The following NRG1 variants were observed in gnomAD, a reference collection of about 807,000 sequenced individuals.
The protein encoded by NRG1 is pro-neuregulin-1, membrane-bound isoform.
A neutral mutation model predicts 63.8 loss-of-function variants in NRG1; 18 were observed. That is an observed-to-expected ratio of 0.28 (90% CI 0.19 to 0.42). The LOEUF is 0.42. Ranked by LOEUF, NRG1 falls within the 10% of genes least tolerant of loss-of-function variation. NRG1 has a pLI of 1.00. For missense variants in NRG1, 762 were observed against 814.7 expected, an observed-to-expected ratio of 0.94 and a Z score of 0.79; for synonymous variants, 302 against 301.3, an observed-to-expected ratio of 1.00 and a Z score of -0.02.
intron 7 of NRG1, chr8:32,743,106 T>C (rs1564086281): frequency 9.9e-7 from 1 of 1,014,130 alleles, no homozygotes; most frequent in Middle Eastern, 5.0e-4. Flanking sequence ...ATCTTCTTTA[T>C]ACAATGACCA....
chr8:32,552,024 C>T (rs1216002459), intron 1 of NRG1, among the ~76,000 whole-genome samples: 1 of 150,944 alleles, frequency 6.6e-6, no homozygotes, highest in Non-Finnish European at 1.5e-5. Context: ...GATTCCCCTG[C>T]CTCAGACTTT....
intron 1 of NRG1, among the ~76,000 whole-genome samples, chr8:31,660,960 G>T (rs192145232): frequency 0.012 from 1,837 of 152,238 alleles, 16 homozygotes; most frequent in Non-Finnish European, 0.017. Flanking sequence ...AGCTATTGCA[G>T]TACCTAAGTA....
At chr8:31,750,794 G>A (rs1382557198) in intron 1 of NRG1, among the ~76,000 whole-genome samples, 3 of 151,842 alleles carry the variant, frequency 2.0e-5, no homozygotes, top group Non-Finnish European at 4.4e-5. Flanking sequence ...TTGCTGATAG[G>A]GGATTTGACC....
At chr8:32,393,167 C>T (rs13270577) in intron 1 of NRG1, among the ~76,000 whole-genome samples, 51,512 of 152,028 alleles carry the variant, frequency 0.34, 9,175 homozygotes, top group Middle Eastern at 0.43. Context: ...ATATGGCATA[C>T]TTTATTATTT....
chr8:32,669,425 C>A (rs1397515799), intron 5 of NRG1, among the ~76,000 whole-genome samples: 1 of 152,102 alleles, frequency 6.6e-6, no homozygotes. Flanking sequence ...ATTCCATGTT[C>A]TAGAACTTTT....
At chr8:32,012,959 A>G (rs1208414383) in intron 1 of NRG1, among the ~76,000 whole-genome samples, 1 of 152,054 alleles carries the variant, frequency 6.6e-6, no homozygotes, top group Non-Finnish European at 1.5e-5. Context: ...GTGCTTCAGG[A>G]CTGTTACCAG....
At chr8:32,538,639 A>C (rs977241120) in intron 1 of NRG1, among the ~76,000 whole-genome samples, 1 of 152,182 alleles carries the variant, frequency 6.6e-6, no homozygotes, top group Non-Finnish European at 1.5e-5. Context: ...TTGCTTTGTT[A>C]AAGTATATTG....
intron 11 of NRG1, 62 bp from the exon 12 acceptor site, chr8:32,763,686 C>A: frequency 6.8e-7 from 1 of 1,461,404 alleles, no homozygotes; most frequent in Non-Finnish European, 9.2e-7. Flanking sequence ...TGTCCCCTTA[C>A]CTTCCCTGCT....
rs187848512 is a variant in NRG1, at chr8:32,176,478, C to T, written c.38-419350C>T. The stretch of plus-strand genomic sequence containing the variant: ...CAACAAAAGCCAAAATTGACAAATG[C>T]GATCTAATTAAACTAAAGAGCTTCT... On this transcript the variant is annotated intron_variant, in intron 1 of 10. Transcript: ENST00000519301. Among the ~76,000 whole-genome samples the T allele has an allele frequency of 7.0e-3, 1,064 of 151,664 alleles. 19 individuals carry two copies. Among genetic ancestry groups the T allele is most frequent in the African/African-American group, 0.025 (1,031 of 41,364 alleles).
intron 1 of NRG1, among the ~76,000 whole-genome samples, chr8:31,707,903 T>C (rs539644891): frequency 1.2e-3 from 181 of 152,348 alleles, no homozygotes; most frequent in Non-Finnish European, 2.5e-3. Context: ...TAGATTTAAT[T>C]TGGTTGTAAC....
intron 1 of NRG1, among the ~76,000 whole-genome samples, chr8:32,141,663 C>G (rs1346202949): frequency 7.6e-6 from 1 of 131,602 alleles, no homozygotes; most frequent in Non-Finnish European, 1.6e-5. Flanking sequence ...CTCCATGCAT[C>G]CAAAATATTC....
At chr8:32,678,132 G>T (rs1379990706) in intron 5 of NRG1, among the ~76,000 whole-genome samples, 6 of 152,070 alleles carry the variant, frequency 3.9e-5, no homozygotes, top group Non-Finnish European at 8.8e-5. Flanking sequence ...TGGGATGATG[G>T]ACATAAAAAA....
intron 5 of NRG1, chr8:32,721,989 A>C (rs1820765296): frequency 6.5e-7 from 1 of 1,546,728 alleles, no homozygotes; most frequent in Non-Finnish European, 8.7e-7. Context: ...CTGGACTTCA[A>C]AGAGCAGGAA....
chr8:32,141,752 C>G (rs1023038338), intron 1 of NRG1, among the ~76,000 whole-genome samples: 1 of 151,552 alleles, frequency 6.6e-6, no homozygotes, highest in African/African-American at 2.4e-5. Context: ...CACATTCGTT[C>G]CACAGAGACT....
At chr8:32,672,810 C>T (rs1211337568) in intron 5 of NRG1, among the ~76,000 whole-genome samples, 3 of 152,006 alleles carry the variant, frequency 2.0e-5, no homozygotes, top group African/African-American at 7.2e-5. Context: ...TTGTTATGTT[C>T]TCTGAGGCAT....
intron 1 of NRG1, among the ~76,000 whole-genome samples, chr8:32,209,527 A>G (rs1844438649): frequency 6.6e-6 from 1 of 152,194 alleles, no homozygotes; most frequent in African/African-American, 2.4e-5. Context: ...CATTCATAGC[A>G]TAGTATATCA....
At chr8:31,883,258 A>C (rs1235501335) in intron 1 of NRG1, among the ~76,000 whole-genome samples, 1 of 152,172 alleles carries the variant, frequency 6.6e-6, no homozygotes, top group Non-Finnish European at 1.5e-5. Flanking sequence ...GATCATTAGC[A>C]TTTTTAGCAA....
intron 1 of NRG1, among the ~76,000 whole-genome samples, chr8:31,764,603 C>T (rs915950729): frequency 1.3e-5 from 2 of 152,082 alleles, no homozygotes; most frequent in African/African-American, 4.8e-5. Flanking sequence ...TCTATATATA[C>T]AAAATATTTT....
chr8:32,501,454 T>C (rs1827842771), intron 1 of NRG1, among the ~76,000 whole-genome samples: 1 of 152,196 alleles, frequency 6.6e-6, no homozygotes, highest in East Asian at 1.9e-4. Flanking sequence ...TTTTACAAAC[T>C]GAGAGAACAA....
Sources: gnomAD v4.1 joint callset for allele counts (sites outside exome capture counted in the v4.1 genomes callset) on GRCh38, gnomAD v4.1.1 for gene constraint, MANE v1.5 for transcripts, NCBI Gene and HGNC (gene_info 2026-07-23, HGNC 2026-07-21) for gene names.